Variants in FABP12 observed in about 807,000 individuals in gnomAD.
The protein encoded by FABP12 is fatty acid-binding protein 12.
FABP12 carries 19 observed loss-of-function variants against 13.7 expected under a neutral mutation model. The ratio of observed to expected loss-of-function variants is 1.39; its 90% confidence interval spans 0.97 to 2.04. The LOEUF (loss-of-function observed/expected upper bound fraction) is 2.04. FABP12 is among the 30% of genes most tolerant of loss of function. The probability of loss-of-function intolerance (pLI) is 0.00; values close to 1 mark genes in which losing one functional copy is unlikely to be tolerated. For synonymous variants in FABP12, 61 were observed against 57.0 expected (o/e 1.07, Z -0.32); for missense variants, 182 against 164.2 (o/e 1.11, Z -0.59).
chr8:81,567,864 G>A (rs923586420), intron 1 of FABP12, among the ~76,000 whole-genome samples: 11 of 152,190 alleles, frequency 7.2e-5, no homozygotes, highest in Non-Finnish European at 1.6e-4. Context: ...GCTCACGCCT[G>A]TAATCCCAGC....
intron 4 of FABP12, among the ~76,000 whole-genome samples, chr8:81,526,705 T>C (rs1450794788): frequency 6.6e-6 from 1 of 152,168 alleles, no homozygotes; most frequent in Non-Finnish European, 1.5e-5. Flanking sequence ...AATCCTGGAG[T>C]GGAGTAGAGG....
intron 2 of FABP12, among the ~76,000 whole-genome samples, chr8:81,538,995 T>C (rs1212451902): frequency 1.3e-5 from 2 of 152,010 alleles, no homozygotes; most frequent in Non-Finnish European, 2.9e-5. Flanking sequence ...ATTACGGGCG[T>C]GCACCACCAC....
intron 1 of FABP12, among the ~76,000 whole-genome samples, chr8:81,566,024 G>C (rs1593716): frequency 1.3e-5 from 2 of 151,702 alleles, no homozygotes; most frequent in Non-Finnish European, 2.9e-5. Context: ...ATCATTATTG[G>C]CTACTATAAG....
intron 1 of FABP12, among the ~76,000 whole-genome samples, chr8:81,590,040 T>C (rs927695115): frequency 6.6e-5 from 10 of 152,170 alleles, no homozygotes; most frequent in African/African-American, 2.2e-4. Flanking sequence ...ATTTAAGCAA[T>C]AGATTGTCCT....
intron 2 of FABP12, among the ~76,000 whole-genome samples, chr8:81,530,175 A>G (rs902850122): frequency 2.0e-5 from 3 of 152,192 alleles, no homozygotes; most frequent in Admixed American, 6.5e-5. Flanking sequence ...TTGTGCAAGC[A>G]TCACCATTAT....
intron 1 of FABP12, among the ~76,000 whole-genome samples, chr8:81,551,412 G>T (rs1158279556): frequency 6.6e-6 from 1 of 152,098 alleles, no homozygotes; most frequent in Non-Finnish European, 1.5e-5. Context: ...GGGAAGAGAG[G>T]TCCCAGTATT....
intron 1 of FABP12, among the ~76,000 whole-genome samples, chr8:81,531,771 T>C (rs1429583352): frequency 1.3e-5 from 2 of 152,196 alleles, no homozygotes; most frequent in Non-Finnish European, 2.9e-5. Context: ...ATCATTCTCA[T>C]TCTTGATAGT....
chr8:81,573,816 C>T (rs1418529381), intron 1 of FABP12, among the ~76,000 whole-genome samples: 1 of 152,066 alleles, frequency 6.6e-6, no homozygotes, highest in Non-Finnish European at 1.5e-5. Context: ...TATCCGGAAA[C>T]TTTGCTGAAT....
chr8:81,529,435 C>T lies in FABP12; in HGVS notation c.246+3G>A, dbSNP rs760134371. 1 of 1,613,730 alleles carries T rather than the reference C, an allele frequency of 6.2e-7. No homozygotes were observed. The highest frequency in any genetic ancestry group is 1.7e-5 in the Admixed American group (1 of 60,018). ...GTGTCTGAAAGACTGTCGTAGGCCT[C>T]ACCTTTGTTTTGTGGCCACCTGGCG... On this transcript the variant is annotated splice_donor_region_variant and intron_variant, in intron 3 of 4. Coordinates refer to ENST00000360464, the Ensembl canonical transcript of FABP12.
chr8:81,571,003 C>T (rs1585855969), intron 1 of FABP12, among the ~76,000 whole-genome samples: 1 of 152,038 alleles, frequency 6.6e-6, no homozygotes, highest in East Asian at 1.9e-4. Flanking sequence ...ACCCAGGCTG[C>T]GAGCTCCAAG....
intron 1 of FABP12, among the ~76,000 whole-genome samples, chr8:81,557,059 G>A (rs188886790): frequency 1.0e-3 from 152 of 151,800 alleles, no homozygotes; most frequent in African/African-American, 3.6e-3. Context: ...ATTTTTAGTA[G>A]AGACGGAGTT....
At chr8:81,588,929 A>T (rs965953815) in intron 1 of FABP12, among the ~76,000 whole-genome samples, 3 of 152,116 alleles carry the variant, frequency 2.0e-5, no homozygotes, top group African/African-American at 7.2e-5. Flanking sequence ...GAATCACGGG[A>T]GCTTTAAAGG....
At chr8:81,552,377 G>A (rs1342034325) in intron 1 of FABP12, among the ~76,000 whole-genome samples, 1 of 152,114 alleles carries the variant, frequency 6.6e-6, no homozygotes, top group African/African-American at 2.4e-5. Context: ...AAGGAAGAAG[G>A]GTCAGGTCAC....
chr8:81,540,724 A>G (rs1809321809), intron 1 of FABP12, among the ~76,000 whole-genome samples: 1 of 152,260 alleles, frequency 6.6e-6, no homozygotes, highest in South Asian at 2.1e-4. Context: ...TCTATAGTTT[A>G]GTTGCTAGTA....
chr8:81,585,912 G>A (rs546715133), intron 1 of FABP12, among the ~76,000 whole-genome samples: 5 of 152,076 alleles, frequency 3.3e-5, no homozygotes, highest in African/African-American at 1.2e-4. Context: ...CATGTTGTGG[G>A]TGTTTGGTGT....
upstream of FABP12, among the ~76,000 whole-genome samples, chr8:81,535,379 G>A (rs1242826807): frequency 2.6e-5 from 4 of 152,180 alleles, no homozygotes; most frequent in Non-Finnish European, 5.9e-5. Flanking sequence ...TGGGGGTGCA[G>A]TTTCAGAAGC....
intron 1 of FABP12, among the ~76,000 whole-genome samples, chr8:81,559,747 A>G (rs887595964): frequency 2.6e-5 from 4 of 152,176 alleles, no homozygotes; most frequent in African/African-American, 7.2e-5. Flanking sequence ...TGAGCCTTGC[A>G]ACACTACTGC....
chr8:81,560,533 C>T (rs563302075), intron 1 of FABP12, among the ~76,000 whole-genome samples: 2 of 152,282 alleles, frequency 1.3e-5, no homozygotes, highest in African/African-American at 4.8e-5. Context: ...GGCCATCCCC[C>T]CATCAGCCAG....
intron 1 of FABP12, among the ~76,000 whole-genome samples, chr8:81,565,252 C>T (rs1171723994): frequency 1.3e-5 from 2 of 151,930 alleles, no homozygotes; most frequent in Non-Finnish European, 2.9e-5. Flanking sequence ...GAATTCAGTG[C>T]CCCATATTCA....
Sources: allele counts gnomAD v4.1 joint callset (sites outside exome capture counted in the v4.1 genomes callset), GRCh38; gene constraint gnomAD v4.1.1; transcripts MANE v1.5; gene names NCBI Gene and HGNC (gene_info 2026-07-23, HGNC 2026-07-21).